Variants in ZNF665 observed in about 807,000 individuals in gnomAD.
The protein encoded by ZNF665 is zinc finger protein 665.
Under a neutral mutation model 7.9 loss-of-function variants are expected in ZNF665, and 6 were observed. The observed-to-expected ratio is 0.76, with a 90% CI of 0.42 to 1.50. The LOEUF is 1.50. Among genes scored for constraint, ZNF665 ranks in the 40% most tolerant of loss-of-function variants. The probability of loss-of-function intolerance (pLI) is 0.01; values close to 1 mark genes in which losing one functional copy is unlikely to be tolerated. For synonymous variants in ZNF665, 242 were observed against 274.5 expected (o/e 0.88, Z 1.17); for missense variants, 819 against 806.7 (o/e 1.02, Z -0.18).
At position 53,164,431 on chromosome 19, in the gene ZNF665, C is replaced by A. The variant is rs144934242; in HGVS notation, c.*22G>T. On this transcript the variant is annotated 3_prime_UTR_variant, in exon 4 of 4. Coordinates refer to ENST00000396424, the MANE Select transcript of ZNF665 (RefSeq NM_024733.5). Reference sequence around the variant, plus strand: ...GGGATTACAGGCGTGAGCCACCACGCCCGGCGTCCTTTGTAAGGTTTCTAT... The same window carrying A: ...GGGATTACAGGCGTGAGCCACCACGACCGGCGTCCTTTGTAAGGTTTCTAT... 302 of 1,530,834 alleles carry A rather than the reference C, an allele frequency of 2.0e-4. No homozygotes were observed. Among genetic ancestry groups the A allele is most frequent in the Non-Finnish European group, 2.5e-4 (281 of 1,139,452 alleles). The allele number at this position is 1,530,834 out of a possible 1,614,324, so 94.8% of individuals were successfully genotyped here. A position where few individuals can be genotyped will look rare whatever the true frequency, so the allele number is the denominator to read the frequency against.
chr19:53,180,319 G>C (rs2090728931), intron 2 of ZNF665, among the ~76,000 whole-genome samples: 1 of 151,898 alleles, frequency 6.6e-6, no homozygotes, highest in Non-Finnish European at 1.5e-5. Flanking sequence ...TGTAATCCCA[G>C]CTACTCGGGA....
chr19:53,192,657 C>G (rs186806713), intron 1 of ZNF665, among the ~76,000 whole-genome samples: 161 of 152,288 alleles, frequency 1.1e-3, no homozygotes, highest in Non-Finnish European at 2.0e-3. Context: ...GTCTCCTGAT[C>G]CCCTTGGCCC....
chr19:53,166,386 T>C (rs191726004), intron 3 of ZNF665, 39 bp from the exon 4 acceptor site: 11 of 1,485,814 alleles, frequency 7.4e-6, no homozygotes, highest in Non-Finnish European at 9.9e-6. Flanking sequence ...CAGTTAACTA[T>C]AGTAGGTAAA....
chr19:53,182,442 A>G, intron 2 of ZNF665: 1 of 484,454 alleles, frequency 2.1e-6, no homozygotes, highest in East Asian at 3.3e-5. Flanking sequence ...TCAAATGCAA[A>G]TATAAATGAG....
At chr19:53,169,780 G>A (rs553625695) in intron 3 of ZNF665, among the ~76,000 whole-genome samples, 14 of 148,628 alleles carry the variant, frequency 9.4e-5, no homozygotes, top group African/African-American at 2.5e-4. Context: ...GAGAATATGC[G>A]GTGTTTGGTT....
chr19:53,173,014 T>C (rs1181014816), intron 3 of ZNF665, among the ~76,000 whole-genome samples: 1 of 152,164 alleles, frequency 6.6e-6, no homozygotes, highest in Non-Finnish European at 1.5e-5. Context: ...ATTATGTTAA[T>C]TGTTCCCTTT....
chr19:53,192,100 C>T (rs1024113170), intron 1 of ZNF665, among the ~76,000 whole-genome samples: 1 of 151,964 alleles, frequency 6.6e-6, no homozygotes, highest in Admixed American at 6.6e-5. Flanking sequence ...TCCCTCTATC[C>T]TTCTCTTCCA....
intron 3 of ZNF665, among the ~76,000 whole-genome samples, chr19:53,170,562 A>G (rs1292761854): frequency 3.9e-5 from 6 of 152,174 alleles, no homozygotes; most frequent in Non-Finnish European, 7.3e-5. Context: ...TGCCTAGATT[A>G]TTTCATTTAG....
In ZNF665 at chr19:53,174,729, A is replaced by G. The variant is rs374592925; in HGVS notation, c.142+716T>C. ...TGAGTTGGGCAGATCACCTGAGGTC[A>G]GGAGTTCGGGACTAGCCTGGCCAAC... is the stretch of plus-strand genomic sequence containing the variant. On this transcript the variant is annotated intron_variant, in intron 3 of 3. Transcript: ENST00000396424. Among the ~76,000 whole-genome samples the G allele has an allele frequency of 1.9e-4, 29 of 152,308 alleles. No individual in the cohort carries two copies. The East Asian group carries it at 4.1e-3, about 21-fold the overall frequency.
At chr19:53,175,022 C>T (rs925361034) in intron 3 of ZNF665, among the ~76,000 whole-genome samples, 2 of 149,778 alleles carry the variant, frequency 1.3e-5, no homozygotes, top group East Asian at 1.9e-4. Flanking sequence ...TTTCCAGAAT[C>T]GTACCCTTAG....
At chr19:53,185,379 T>C (rs189725581) in intron 1 of ZNF665, among the ~76,000 whole-genome samples, 68 of 151,692 alleles carry the variant, frequency 4.5e-4, no homozygotes, top group South Asian at 3.7e-3. Flanking sequence ...TCTGGTCACT[T>C]CTCACTGTGT....
chr19:53,184,892 A>G (rs7259010), intron 1 of ZNF665, among the ~76,000 whole-genome samples: 84,866 of 150,206 alleles, frequency 0.56, 25,209 homozygotes, highest in Middle Eastern at 0.68. Context: ...CACTGGACAG[A>G]GGGCCCTTCC....
chr19:53,184,358 A>G (rs888827310), intron 1 of ZNF665, among the ~76,000 whole-genome samples: 3 of 152,202 alleles, frequency 2.0e-5, no homozygotes, highest in Non-Finnish European at 2.9e-5. Context: ...CTCTATTTTA[A>G]ATACATGCTG....
At chr19:53,182,505 T>G (rs1357432410) in intron 2 of ZNF665, 1 of 611,744 alleles carries the variant, frequency 1.6e-6, no homozygotes, top group Admixed American at 2.5e-5. Context: ...CGTGGGTGCT[T>G]GTACACACTA....
chr19:53,174,676 C>T lies in ZNF665; in HGVS notation c.142+769G>A, dbSNP rs545505177. ...AAAGAAGGCCAGGCATGGTGGCTCACGCCTGTAATCCCAGCACTCTGGGAG... is the reference window on the plus strand; with the variant it reads ...AAAGAAGGCCAGGCATGGTGGCTCATGCCTGTAATCCCAGCACTCTGGGAG... On this transcript the variant is annotated intron_variant, in intron 3 of 3. Coordinates refer to ENST00000396424, the MANE Select transcript of ZNF665 (RefSeq NM_024733.5). Among the ~76,000 whole-genome samples the T allele has an allele frequency of 1.3e-4, 20 of 152,198 alleles. No individual in the cohort carries two copies. The East Asian group carries it at 1.9e-3, about 15-fold the overall frequency.
At chr19:53,182,863 C>G (rs777318432) in intron 2 of ZNF665, 21 bp downstream of exon 2, 8 of 1,613,302 alleles carry the variant, frequency 5.0e-6, no homozygotes, top group Non-Finnish European at 5.9e-6. Flanking sequence ...ACAGAACAAT[C>G]CACCGAGAAT....
In ZNF665 at chr19:53,162,782, G is replaced by A. The variant is rs1338116297; in HGVS notation, c.*1671C>T. The A allele has an allele frequency of 1.3e-5, 2 of 151,404 alleles. No individual in the cohort carries two copies. Among genetic ancestry groups the A allele is most frequent in the Admixed American group, 6.6e-5 (1 of 15,152 alleles). The allele number at this position is 151,404 out of a possible 1,614,324, so 9.4% of individuals were successfully genotyped here. A position where few individuals can be genotyped will look rare whatever the true frequency, so the allele number is the denominator to read the frequency against. On this transcript the variant is annotated 3_prime_UTR_variant, in exon 4 of 4. Transcript: ENST00000396424. ...GCAGGAGAATCGCTAAAACCCAGGA[G>A]GCGGAGGTTGCGGTGAGCTGAGATT... is the stretch of plus-strand genomic sequence containing the variant.
rs185736728 is a variant in ZNF665 at position 53,170,521 on chromosome 19, T to C, written c.143-4174A>G. On this transcript the variant is annotated intron_variant, in intron 3 of 3. Coordinates refer to ENST00000396424, the MANE Select transcript of ZNF665 (RefSeq NM_024733.5). ...GTTCAAGAGGTTTGGATTCCACATA[T>C]AGGTAAGAAGGTGCAGTACTTGTAT... is the stretch of plus-strand genomic sequence containing the variant. Among the ~76,000 whole-genome samples the C allele has an allele frequency of 1.7e-4, 26 of 152,306 alleles. 1 individual carries two copies. The highest frequency in any genetic ancestry group is 7.8e-4 in the Admixed American group (12 of 15,288).
intron 3 of ZNF665, 93 bp from the exon 4 acceptor site, chr19:53,166,440 T>G (rs183070959): frequency 8.7e-6 from 10 of 1,155,944 alleles, no homozygotes; most frequent in Middle Eastern, 2.8e-4. Context: ...CCAAAAGTAA[T>G]AGTTATGTTG....
Sources: allele counts gnomAD v4.1 joint callset (sites outside exome capture counted in the v4.1 genomes callset), GRCh38; gene constraint gnomAD v4.1.1; transcripts MANE v1.5; gene names NCBI Gene and HGNC (gene_info 2026-07-23, HGNC 2026-07-21).